R3HCC1L: variants seen among roughly 807,000 people sequenced by gnomAD.
R3HCC1L encodes the protein R3H domain and coiled-coil containing 1 like, also known as coiled-coil domain-containing protein R3HCC1L.
In R3HCC1L, 51 loss-of-function variants were observed where a neutral mutation model predicts 59.9. The ratio of observed to expected loss-of-function variants is 0.85; its 90% CI spans 0.68 to 1.07. The LOEUF (loss-of-function observed/expected upper bound fraction) is 1.07, where lower values mean the gene tolerates loss of function less well. R3HCC1L is among the 50% of genes least tolerant of loss of function. The probability of loss-of-function intolerance (pLI) is 0.00; values close to 1 mark genes in which losing one functional copy is unlikely to be tolerated. For synonymous variants in R3HCC1L, 322 were observed against 315.2 expected, an observed-to-expected ratio of 1.02 and a Z score of -0.23; for missense variants, 965 against 933.0, an observed-to-expected ratio of 1.03 and a Z score of -0.45.
intron 1 of R3HCC1L, among the ~76,000 whole-genome samples, chr10:98,139,303 A>G (rs921898651): frequency 2.0e-5 from 3 of 152,252 alleles, no homozygotes; most frequent in Non-Finnish European, 4.4e-5. Context: ...GCTTATATAA[A>G]TATATGATTA....
chr10:98,195,989 G>A (rs1851388852), intron 4 of R3HCC1L, among the ~76,000 whole-genome samples: 1 of 152,128 alleles, frequency 6.6e-6, no homozygotes, highest in Non-Finnish European at 1.5e-5. Flanking sequence ...GTCAAGAATA[G>A]CTTTTAAGGA....
Position 98,244,137 on chromosome 10 carries a change from C to T in R3HCC1L, c.2316C>T (p.Gly772=), listed in dbSNP as rs1857852783. 2 of 1,613,812 alleles carry T rather than the reference C, an allele frequency of 1.2e-6. No homozygotes were observed. Among genetic ancestry groups the T allele is most frequent in the African/African-American group, 1.3e-5 (1 of 74,920 alleles). ...EAKQREDIWE[G]RDQSTV ...AGCAACGGGAAGACATCTGGGAAGG[C>T]AGAGACCAGTCTACAGTTTGAACAT... Residue 772 remains glycine (G), a synonymous_variant, in exon 10 of 10, where the codon GGC becomes GGT. Coordinates refer to ENST00000298999, the MANE Select transcript of R3HCC1L (RefSeq NM_001351015.2).
chr10:98,154,182 CAAAAAA>C (rs61379048), intron 1 of R3HCC1L, among the ~76,000 whole-genome samples: 4 of 92,820 alleles, frequency 4.3e-5, no homozygotes, highest in South Asian at 4.0e-4. Context: ...AGAGAATAAG[CAAAAAA>C]AAAAAAAAAA....
chr10:98,240,468 T>C (rs571957854), intron 9 of R3HCC1L, among the ~76,000 whole-genome samples: 6 of 152,368 alleles, frequency 3.9e-5, no homozygotes, highest in African/African-American at 1.4e-4. Flanking sequence ...TACAATTTTA[T>C]TTTAATTTAT....
intron 4 of R3HCC1L, among the ~76,000 whole-genome samples, chr10:98,166,817 C>T (rs915701065): frequency 1.3e-5 from 2 of 152,144 alleles, no homozygotes; most frequent in African/African-American, 4.8e-5. Context: ...AGGTGCGTGC[C>T]ACCATGCCTG....
At chr10:98,168,648 A>G (rs962113598) in intron 4 of R3HCC1L, among the ~76,000 whole-genome samples, 1 of 152,226 alleles carries the variant, frequency 6.6e-6, no homozygotes, top group African/African-American at 2.4e-5. Context: ...GGCAGTAAAT[A>G]TAAATGTCCA....
At chr10:98,165,474 A>G (rs1352091755) in intron 4 of R3HCC1L, among the ~76,000 whole-genome samples, 2 of 152,230 alleles carry the variant, frequency 1.3e-5, no homozygotes, top group African/African-American at 4.8e-5. Context: ...TAGATCCACA[A>G]TGGCTAGGCC....
At chr10:98,182,193 T>A (rs963516316) in intron 4 of R3HCC1L, among the ~76,000 whole-genome samples, 1 of 152,094 alleles carries the variant, frequency 6.6e-6, no homozygotes, top group Non-Finnish European at 1.5e-5. Context: ...ACAGATGGGG[T>A]TTTGGTGTGG....
intron 4 of R3HCC1L, among the ~76,000 whole-genome samples, chr10:98,189,257 T>G (rs1222564704): frequency 6.6e-6 from 1 of 152,034 alleles, no homozygotes; most frequent in Non-Finnish European, 1.5e-5. Context: ...AAACAAAAAA[T>G]AGTGATCTGG....
chr10:98,172,740 G>A (rs983938135), intron 4 of R3HCC1L, among the ~76,000 whole-genome samples: 1 of 152,190 alleles, frequency 6.6e-6, no homozygotes, highest in Non-Finnish European at 1.5e-5. Context: ...GGGGTTTGGC[G>A]GGATGTGGCA....
rs117695891 is a variant in R3HCC1L, at chr10:98,207,668, T to G, written c.-14-433T>G. On this transcript the variant is annotated intron_variant, in intron 4 of 9. Transcript: ENST00000298999. ...AGTTACTCTCAGAAATCACTTTATGTGTATGTATATTTATGTTGAACAACA... is the reference window on the plus strand; with the variant it reads ...AGTTACTCTCAGAAATCACTTTATGGGTATGTATATTTATGTTGAACAACA... Among the ~76,000 whole-genome samples the G allele has an allele frequency of 5.5e-4, 84 of 152,022 alleles. 1 individual carries two copies. The East Asian group carries it at 0.015, about 28-fold the overall frequency.
At chr10:98,229,010 G>T (rs1350996496) in intron 5 of R3HCC1L, among the ~76,000 whole-genome samples, 1 of 152,104 alleles carries the variant, frequency 6.6e-6, no homozygotes, top group Non-Finnish European at 1.5e-5. Context: ...TTTGAAGTCA[G>T]GTAGTGTGAT....
intron 2 of R3HCC1L, among the ~76,000 whole-genome samples, chr10:98,159,003 C>T (rs1288670157): frequency 6.6e-6 from 1 of 151,648 alleles, no homozygotes; most frequent in Non-Finnish European, 1.5e-5. Context: ...ACAGATTCTC[C>T]CTGTGTTGCC....
intron 1 of R3HCC1L, among the ~76,000 whole-genome samples, chr10:98,145,306 C>T (rs1301183700): frequency 6.6e-6 from 1 of 152,140 alleles, no homozygotes; most frequent in Non-Finnish European, 1.5e-5. Flanking sequence ...AACATGATAT[C>T]TCTTGTGGAA....
At chr10:98,169,884 CTTTTT>C (rs1195433216) in intron 4 of R3HCC1L, among the ~76,000 whole-genome samples, 4 of 128,384 alleles carry the variant, frequency 3.1e-5, no homozygotes, top group Non-Finnish European at 6.6e-5. Context: ...CTAACACAAC[CTTTTT>C]TTTTTTTTTT....
At chr10:98,166,068 G>C (rs1330654027) in intron 4 of R3HCC1L, among the ~76,000 whole-genome samples, 1 of 152,232 alleles carries the variant, frequency 6.6e-6, no homozygotes, top group Non-Finnish European at 1.5e-5. Context: ...TGCTTGGGAA[G>C]CTGAGGCAGG....
At chr10:98,180,580 T>G (rs888726563) in intron 4 of R3HCC1L, among the ~76,000 whole-genome samples, 1 of 152,192 alleles carries the variant, frequency 6.6e-6, no homozygotes, top group Non-Finnish European at 1.5e-5. Flanking sequence ...CTATTAGGTC[T>G]GCTTGGTGCA....
intron 4 of R3HCC1L, among the ~76,000 whole-genome samples, chr10:98,184,249 G>A (rs549660788): frequency 5.9e-5 from 9 of 152,150 alleles, no homozygotes; most frequent in Admixed American, 3.3e-4. Flanking sequence ...TCTCAGAGAA[G>A]GTATTTCTCC....
intron 7 of R3HCC1L, 85 bp downstream of exon 7, chr10:98,234,601 G>C (rs779521748): frequency 4.0e-5 from 56 of 1,413,326 alleles, no homozygotes; most frequent in Non-Finnish European, 5.0e-5. Context: ...ATTTGAGCAA[G>C]TTGGCATCTT....
Sources: gnomAD v4.1 joint callset for allele counts (sites outside exome capture counted in the v4.1 genomes callset) on GRCh38, gnomAD v4.1.1 for gene constraint, MANE v1.5 for transcripts, NCBI Gene and HGNC (gene_info 2026-07-23, HGNC 2026-07-21) for gene names.